The following CUL5 variants were observed in gnomAD, a reference collection of about 807,000 sequenced individuals.
CUL5 encodes the protein cullin 5.
In CUL5, 26 loss-of-function variants were observed where a neutral mutation model predicts 108.8. The ratio of observed to expected loss-of-function variants is 0.24; its 90% CI spans 0.18 to 0.33. CUL5 has a LOEUF of 0.33. Among genes scored for constraint, CUL5 ranks in the 10% least tolerant of loss-of-function variants. CUL5 has a pLI of 1.00. For missense variants in CUL5, 524 were observed against 909.2 expected (o/e 0.58, Z 5.45); for synonymous variants, 334 against 298.0 (o/e 1.12, Z -1.25).
At chr11:108,055,870 A>T (rs1014892775) in intron 7 of CUL5, among the ~76,000 whole-genome samples, 2 of 152,134 alleles carry the variant, frequency 1.3e-5, no homozygotes, top group Non-Finnish European at 2.9e-5. Context: ...AGCTCAGGTG[A>T]TCCACCTGCC....
intron 1 of CUL5, among the ~76,000 whole-genome samples, chr11:108,012,733 A>G (rs1019814196): frequency 6.6e-5 from 10 of 151,898 alleles, no homozygotes; most frequent in Non-Finnish European, 1.3e-4. Context: ...AGTAGCTGGG[A>G]TTACAGGCAC....
intron 1 of CUL5, among the ~76,000 whole-genome samples, chr11:108,021,948 A>C (rs1156774331): frequency 6.6e-6 from 1 of 152,108 alleles, no homozygotes; most frequent in Non-Finnish European, 1.5e-5. Context: ...TGGAGTAGCT[A>C]GGACTGCAAG....
At chr11:108,059,097 C>T (rs931471076) in intron 7 of CUL5, among the ~76,000 whole-genome samples, 6 of 152,156 alleles carry the variant, frequency 3.9e-5, no homozygotes, top group Non-Finnish European at 5.9e-5. Flanking sequence ...ACTGCATTCT[C>T]GAATTCCTGG....
At chr11:108,076,896 A>T (rs1179915931) in intron 10 of CUL5, among the ~76,000 whole-genome samples, 1 of 152,218 alleles carries the variant, frequency 6.6e-6, no homozygotes, top group Non-Finnish European at 1.5e-5. Context: ...ACTGTAAGAG[A>T]AATAGTTTTT....
chr11:108,031,690 C>T (rs1227664116), intron 1 of CUL5, among the ~76,000 whole-genome samples: 1 of 152,100 alleles, frequency 6.6e-6, no homozygotes, highest in Non-Finnish European at 1.5e-5. Context: ...TTGGTTACTA[C>T]AGTGCTGTCG....
In CUL5 at chr11:108,018,415, C is replaced by G. The variant is rs551069757; in HGVS notation, c.24+9043C>G. Among the ~76,000 whole-genome samples the G allele has an allele frequency of 1.8e-4, 28 of 152,122 alleles. No individual in the cohort carries two copies. The East Asian group carries it at 5.2e-3, about 28-fold the overall frequency. On this transcript the variant is annotated intron_variant, in intron 1 of 18. Transcript: ENST00000393094. The stretch of plus-strand genomic sequence containing the variant: ...GGGGTGATGGCGCATGCCTATAATC[C>G]CAGCACTTTGGGAGGCTGAGGCAGG...
In CUL5 at chr11:108,106,318, T is replaced by G. The variant is rs1864799877; in HGVS notation, c.*1934T>G. Reference sequence around the variant, plus strand: ...TAGGTTTGTTGTTTTAAACCATAATTGTTCTCAGAACTTTTTTGGAACTTC... The same window carrying G: ...TAGGTTTGTTGTTTTAAACCATAATGGTTCTCAGAACTTTTTTGGAACTTC... On this transcript the variant is annotated 3_prime_UTR_variant, in exon 19 of 19. Transcript: ENST00000393094. 6.6e-6 allele frequency: 1 copy of G among 152,600 alleles called. No individual in the cohort carries two copies. The highest frequency in any genetic ancestry group is 6.5e-5 in the Admixed American group (1 of 15,282). 9.5% of individuals were successfully genotyped at this position (152,600 alleles called of 1,614,324 possible).
chr11:108,044,085 G>A (rs1461262128), intron 2 of CUL5, among the ~76,000 whole-genome samples: 1 of 152,104 alleles, frequency 6.6e-6, no homozygotes, highest in Non-Finnish European at 1.5e-5. Context: ...CTTTTATATT[G>A]TTATTTAACA....
chr11:108,107,287 A>G lies in CUL5; in HGVS notation c.*2903A>G, dbSNP rs1475811440. 2 of 152,532 alleles carry G rather than the reference A, an allele frequency of 1.3e-5. No individual in the cohort carries two copies. Among genetic ancestry groups the G allele is most frequent in the African/African-American group, 4.8e-5 (2 of 41,420 alleles). 9.4% of individuals were successfully genotyped at this position (152,532 alleles called of 1,614,324 possible). On this transcript the variant is annotated 3_prime_UTR_variant, in exon 19 of 19. Coordinates refer to ENST00000393094, the MANE Select transcript of CUL5 (RefSeq NM_003478.6). ...ATAGAAAATATGACCTGAGTAGTTA[A>G]AAAGTATTTTGCATTATTTGCAGTA...
At position 108,078,164 on chromosome 11, in the gene CUL5, TA is replaced by T; in HGVS notation, c.1114-11del. 3 of 1,469,510 alleles carry T rather than the reference TA, an allele frequency of 2.0e-6. No individual in the cohort carries two copies. The highest frequency in any genetic ancestry group is 2.8e-6 in the Non-Finnish European group (3 of 1,073,892). The allele number at this position is 1,469,510 out of a possible 1,614,324, so 91.0% of individuals were successfully genotyped here. On this transcript the variant is annotated splice_polypyrimidine_tract_variant and intron_variant, in intron 10 of 18. Coordinates refer to ENST00000393094, the MANE Select transcript of CUL5 (RefSeq NM_003478.6). ...ATATTAAAAATATTTTATTCCAAAT[TA>T]TTTTTTGCAGGCGTATAAAGCAGTT... is the stretch of plus-strand genomic sequence containing the variant.
At chr11:108,092,046 A>G (rs1462853206) in intron 13 of CUL5, among the ~76,000 whole-genome samples, 6 of 152,160 alleles carry the variant, frequency 3.9e-5, no homozygotes, top group Admixed American at 1.3e-4. Flanking sequence ...CTGAGATGGG[A>G]TGATTGCTTG....
intron 7 of CUL5, among the ~76,000 whole-genome samples, chr11:108,065,551 C>T (rs144354225): frequency 2.1e-3 from 321 of 152,246 alleles, no homozygotes; most frequent in African/African-American, 7.5e-3. Context: ...CTGAGTTCAT[C>T]CTACTTTTGC....
At chr11:108,075,324 A>T (rs1465675082) in intron 10 of CUL5, among the ~76,000 whole-genome samples, 1 of 152,198 alleles carries the variant, frequency 6.6e-6, no homozygotes, top group African/African-American at 2.4e-5. Flanking sequence ...AACCCTGCTC[A>T]AAATTACCTC....
At chr11:108,071,898 T>C (rs1235625883) in intron 8 of CUL5, among the ~76,000 whole-genome samples, 1 of 152,108 alleles carries the variant, frequency 6.6e-6, no homozygotes, top group East Asian at 1.9e-4. Context: ...ATTTTTAGAC[T>C]AAGTACAGTG....
At chr11:108,086,731 C>G (rs929825108) in intron 11 of CUL5, among the ~76,000 whole-genome samples, 2 of 152,204 alleles carry the variant, frequency 1.3e-5, no homozygotes, top group Non-Finnish European at 2.9e-5. Flanking sequence ...GTTTCTTTCA[C>G]AATTACCCAT....
Position 108,073,406 on chromosome 11 carries a change from T to C in CUL5, c.1022T>C (p.Val341Ala). The change falls in exon 10 of 19, where the codon GTT (valine) becomes GCT (alanine). Residue 341 changes from valine (V) to alanine (A), a missense_variant. Coordinates refer to ENST00000393094, the MANE Select transcript of CUL5 (RefSeq NM_003478.6). ...TGTTTCTAGGACTCTGAGAAATACG[T>C]TGAGCAGTTACTTACACTATTTAAT... ...ETITTDSEKY[V>A]EQLLTLFNRF... 5 of 1,557,996 alleles carry C rather than the reference T, an allele frequency of 3.2e-6. No individual in the cohort carries two copies. The highest frequency in any genetic ancestry group is 4.4e-6 in the Non-Finnish European group (5 of 1,143,178).
At chr11:108,091,690 C>T (rs1425196793) in intron 13 of CUL5, among the ~76,000 whole-genome samples, 2 of 117,946 alleles carry the variant, frequency 1.7e-5, no homozygotes, top group Non-Finnish European at 3.5e-5. Context: ...TCCTGTCTCT[C>T]TCACTCACAC....
At chr11:108,051,384 G>T (rs962206941) in intron 4 of CUL5, among the ~76,000 whole-genome samples, 1 of 152,176 alleles carries the variant, frequency 6.6e-6, no homozygotes, top group Non-Finnish European at 1.5e-5. Context: ...CACTGATGAG[G>T]TGCATAAATG....
intron 1 of CUL5, among the ~76,000 whole-genome samples, chr11:108,019,573 T>C (rs1314914832): frequency 6.6e-6 from 1 of 152,192 alleles, no homozygotes; most frequent in Non-Finnish European, 1.5e-5. Flanking sequence ...GCAATGTTTA[T>C]TGTAGCCCTT....
Sources: allele counts gnomAD v4.1 joint callset (sites outside exome capture counted in the v4.1 genomes callset), GRCh38; gene constraint gnomAD v4.1.1; transcripts MANE v1.5; gene names NCBI Gene and HGNC (gene_info 2026-07-23, HGNC 2026-07-21).